The following FRMD4B variants were observed in gnomAD, a reference collection of about 807,000 sequenced individuals.
FRMD4B encodes the protein FERM domain-containing protein 4B.
In FRMD4B, 74 loss-of-function variants were observed where a neutral mutation model predicts 141.5. The ratio of observed to expected loss-of-function variants is 0.52; its 90% CI spans 0.43 to 0.63. The LOEUF (loss-of-function observed/expected upper bound fraction) is 0.63. Ranked by LOEUF, FRMD4B falls within the 30% of genes least tolerant of loss-of-function variation. The probability of loss-of-function intolerance (pLI) is 0.00; values close to 1 mark genes in which losing one functional copy is unlikely to be tolerated. For synonymous variants in FRMD4B, 506 were observed against 467.9 expected (o/e 1.08, Z -1.05); for missense variants, 1,366 against 1,253.4 (o/e 1.09, Z -1.36).
chr3:69,351,161 T>C (rs986459356), intron 1 of FRMD4B, among the ~76,000 whole-genome samples: 21 of 152,176 alleles, frequency 1.4e-4, no homozygotes, highest in African/African-American at 5.1e-4. Flanking sequence ...AAATTGATTG[T>C]TTAACCTTGC....
At chr3:69,174,055 T>G (rs2092617328) in intron 22 of FRMD4B, among the ~76,000 whole-genome samples, 1 of 152,008 alleles carries the variant, frequency 6.6e-6, no homozygotes, top group South Asian at 2.1e-4. Context: ...GAGAATCACT[T>G]GACCCTGGGT....
intron 5 of FRMD4B, among the ~76,000 whole-genome samples, chr3:69,271,576 A>G (rs189172350): frequency 0.013 from 1,838 of 141,372 alleles, 40 homozygotes; most frequent in African/African-American, 0.044. Flanking sequence ...CTTAATGCTC[A>G]TATTAAAGAC....
chr3:69,478,465 C>T (rs1406530281), intron 1 of FRMD4B, among the ~76,000 whole-genome samples: 1 of 152,144 alleles, frequency 6.6e-6, no homozygotes, highest in Non-Finnish European at 1.5e-5. Flanking sequence ...GTTAGGTACC[C>T]AGTAGTCATT....
chr3:69,425,324 G>C (rs775732114), intron 2 of FRMD4B, among the ~76,000 whole-genome samples: 9 of 152,176 alleles, frequency 5.9e-5, no homozygotes, highest in Non-Finnish European at 1.3e-4. Context: ...AGAAGCTAGA[G>C]AACTAACAGC....
chr3:69,169,002 CA>C lies in FRMD4B; in HGVS notation c.*2858del, dbSNP rs60061223. On this transcript the variant is annotated 3_prime_UTR_variant, in exon 23 of 23. Coordinates refer to ENST00000398540, the MANE Select transcript of FRMD4B (RefSeq NM_015123.3). ...TATATTAGGCAGAAAACAAAACAAA[CA>C]AAAAAAAATGTTGTAAAACTGTACT... Among the ~76,000 whole-genome samples the C allele has an allele frequency of 2.0e-5, 3 of 151,506 alleles. No homozygotes were observed. Among genetic ancestry groups the C allele is most frequent in the African/African-American group, 4.9e-5 (2 of 41,174 alleles).
intron 11 of FRMD4B, among the ~76,000 whole-genome samples, chr3:69,211,690 A>C (rs955212922): frequency 1.3e-5 from 2 of 152,206 alleles, no homozygotes; most frequent in African/African-American, 4.8e-5. Context: ...ATGTGGCTCA[A>C]GAGGCTGAGC....
chr3:69,397,237 T>C (rs1704488511), intron 2 of FRMD4B, among the ~76,000 whole-genome samples: 1 of 152,118 alleles, frequency 6.6e-6, no homozygotes, highest in Non-Finnish European at 1.5e-5. Context: ...GAAAACATAA[T>C]GTCAAGTAAA....
At chr3:69,287,615 T>A in intron 5 of FRMD4B, 137 bp downstream of exon 5, 2 of 640,342 alleles carry the variant, frequency 3.1e-6, no homozygotes, top group Non-Finnish European at 5.6e-6. Context: ...AGTTGGGGGG[T>A]AGGACATATT....
chr3:69,433,952 C>G (rs192434530), intron 1 of FRMD4B, among the ~76,000 whole-genome samples: 6 of 152,088 alleles, frequency 3.9e-5, no homozygotes, highest in African/African-American at 1.4e-4. Flanking sequence ...AAATGAGGTA[C>G]AGAAAGAGAG....
intron 11 of FRMD4B, among the ~76,000 whole-genome samples, chr3:69,204,036 C>A (rs1271086766): frequency 1.3e-5 from 2 of 152,096 alleles, no homozygotes; most frequent in African/African-American, 2.4e-5. Flanking sequence ...CTGATACACC[C>A]TCTAGGTAGG....
chr3:69,173,841 A>T (rs1050780582), intron 22 of FRMD4B, among the ~76,000 whole-genome samples: 1 of 152,220 alleles, frequency 6.6e-6, no homozygotes, highest in Non-Finnish European at 1.5e-5. Context: ...CAAAGATGTT[A>T]ACAGCTGCAA....
chr3:69,337,753 T>G (rs111950569), intron 1 of FRMD4B, among the ~76,000 whole-genome samples: 2,979 of 152,192 alleles, frequency 0.02, 110 homozygotes, highest in African/African-American at 0.068. Context: ...AAAACCACAG[T>G]GAGATACCAT....
intron 1 of FRMD4B, among the ~76,000 whole-genome samples, chr3:69,496,890 T>C (rs1362469454): frequency 8.4e-5 from 9 of 107,658 alleles, no homozygotes; most frequent in Non-Finnish European, 1.8e-5. Context: ...CTCTATTTGC[T>C]ATGGTAGTTT....
chr3:69,403,534 G>A (rs982522023), intron 2 of FRMD4B, among the ~76,000 whole-genome samples: 15 of 152,196 alleles, frequency 9.9e-5, no homozygotes, highest in Non-Finnish European at 1.8e-4. Flanking sequence ...GAGTGGGGAA[G>A]CTAACCCCAT....
At chr3:69,258,257 C>T (rs1189347994) in intron 5 of FRMD4B, among the ~76,000 whole-genome samples, 4 of 152,148 alleles carry the variant, frequency 2.6e-5, no homozygotes, top group Non-Finnish European at 4.4e-5. Flanking sequence ...TGAGCCACTG[C>T]GCCCAGCCAG....
intron 2 of FRMD4B, among the ~76,000 whole-genome samples, chr3:69,419,145 A>G (rs1575795777): frequency 6.6e-6 from 1 of 152,212 alleles, no homozygotes; most frequent in South Asian, 2.1e-4. Context: ...GGTTTGGGGG[A>G]AACTTAGAAG....
chr3:69,258,841 GT>G (rs1252152181), intron 5 of FRMD4B, among the ~76,000 whole-genome samples: 2 of 152,056 alleles, frequency 1.3e-5, no homozygotes, highest in African/African-American at 4.8e-5. Flanking sequence ...CCATGAGAAA[GT>G]TATTTTTTCT....
chr3:69,182,487 A>C, intron 20 of FRMD4B, 111 bp downstream of exon 20: 1 of 976,414 alleles, frequency 1.0e-6, no homozygotes, highest in South Asian at 2.1e-5. Context: ...CCATAAAACA[A>C]GGTCCTGCTA....
At chr3:69,511,817 C>T (rs1706693917) in intron 1 of FRMD4B, among the ~76,000 whole-genome samples, 1 of 152,320 alleles carries the variant, frequency 6.6e-6, no homozygotes, top group East Asian at 1.9e-4. Context: ...ACCCCACTTA[C>T]CCCTGCACTG....
Sources: gnomAD v4.1 joint callset for allele counts (sites outside exome capture counted in the v4.1 genomes callset) on GRCh38, gnomAD v4.1.1 for gene constraint, MANE v1.5 for transcripts, NCBI Gene and HGNC (gene_info 2026-07-23, HGNC 2026-07-21) for gene names.